Variants in SLIT3 observed in about 807,000 individuals in gnomAD.
SLIT3 encodes slit guidance ligand 3, also known as slit homolog 3 protein.
A neutral mutation model predicts 184.0 loss-of-function variants in SLIT3; 68 were observed. That is an observed-to-expected ratio of 0.37 (90% confidence interval 0.30 to 0.45). SLIT3 has a LOEUF of 0.45. Ranked by LOEUF, SLIT3 falls within the 20% of genes least tolerant of loss-of-function variation. The pLI is 1.00. For missense variants in SLIT3, 1,707 were observed against 2,026.0 expected, an observed-to-expected ratio of 0.84 and a Z score of 3.02; for synonymous variants, 831 against 828.6, an observed-to-expected ratio of 1.00 and a Z score of -0.05.
chr5:168,855,963 C>A (rs2938768), intron 5 of SLIT3, among the ~76,000 whole-genome samples: 1 of 151,750 alleles, frequency 6.6e-6, no homozygotes, highest in Admixed American at 6.6e-5. Context: ...AAAAAAATTA[C>A]CCAAGTGTGG....
chr5:169,090,864 C>T (rs923557866), intron 4 of SLIT3, among the ~76,000 whole-genome samples: 1 of 152,218 alleles, frequency 6.6e-6, no homozygotes, highest in African/African-American at 2.4e-5. Flanking sequence ...ATCTTGATTT[C>T]AGAAGTCTGG....
intron 4 of SLIT3, among the ~76,000 whole-genome samples, chr5:169,001,444 A>C (rs1755699415): frequency 6.6e-6 from 1 of 152,192 alleles, no homozygotes; most frequent in South Asian, 2.1e-4. Flanking sequence ...ACACCAAATA[A>C]TGACAAGAAG....
intron 4 of SLIT3, among the ~76,000 whole-genome samples, chr5:168,885,493 C>A (rs536100742): frequency 1.3e-5 from 2 of 152,310 alleles, no homozygotes; most frequent in Admixed American, 6.5e-5. Flanking sequence ...CAGGTCCTGT[C>A]ATCTGACTAA....
At chr5:169,079,535 G>GAGGAGGAAGAAGGAGGAAGA (rs1311538940) in intron 4 of SLIT3, among the ~76,000 whole-genome samples, 1 of 116,946 alleles carries the variant, frequency 8.6e-6, no homozygotes, top group African/African-American at 3.2e-5. Flanking sequence ...GAGGAAGGAG[G>GAGGAGGAAGAAGGAGGAAGA]AGGAGGAAGA....
chr5:168,886,972 C>A (rs1183517448), intron 4 of SLIT3, among the ~76,000 whole-genome samples: 1 of 152,140 alleles, frequency 6.6e-6, no homozygotes, highest in Non-Finnish European at 1.5e-5. Flanking sequence ...CCCTCCCCAC[C>A]TTTTTAATTT....
At chr5:168,762,796 C>A in intron 14 of SLIT3, 107 bp from the exon 15 acceptor site, 1 of 1,098,846 alleles carries the variant, frequency 9.1e-7, no homozygotes. Context: ...GAGTTGGGGG[C>A]TGTTAGGGGT....
chr5:169,154,335 C>T (rs575271368), intron 4 of SLIT3, among the ~76,000 whole-genome samples: 95 of 152,316 alleles, frequency 6.2e-4, no homozygotes, highest in African/African-American at 2.2e-3. Context: ...GCTTCTATTA[C>T]TTCTAATTGT....
At chr5:169,056,544 G>A (rs1758006359) in intron 4 of SLIT3, among the ~76,000 whole-genome samples, 1 of 151,876 alleles carries the variant, frequency 6.6e-6, no homozygotes, top group Admixed American at 6.6e-5. Flanking sequence ...ATTATTTAGT[G>A]CTTATAATGG....
chr5:168,836,671 C>T lies in SLIT3; in HGVS notation c.557+7913G>A, dbSNP rs575835422. On this transcript the variant is annotated intron_variant, in intron 6 of 35. Transcript: ENST00000519560. ...GAGATCTGGCAGCTGGAATGTGTGG[C>T]CCCTGGGGACAGCAAGACCACCACG... is the stretch of plus-strand genomic sequence containing the variant. 3.3e-4 allele frequency among the ~76,000 whole-genome samples: 50 copies of T among 152,232 alleles called. No homozygotes were observed. The Middle Eastern group carries it at 0.014, about 41-fold the overall frequency.
intron 1 of SLIT3, among the ~76,000 whole-genome samples, chr5:169,273,260 A>T (rs1766690796): frequency 1.3e-5 from 2 of 152,168 alleles, no homozygotes; most frequent in Admixed American, 1.3e-4. Context: ...GGCACCCTTG[A>T]TGCTCTCAAG....
chr5:169,286,781 T>C (rs916523987), intron 1 of SLIT3, among the ~76,000 whole-genome samples: 2 of 152,348 alleles, frequency 1.3e-5, no homozygotes, highest in South Asian at 4.1e-4. Flanking sequence ...CAAGAGGTGC[T>C]ATCAGCCCTG....
intron 4 of SLIT3, among the ~76,000 whole-genome samples, chr5:169,131,514 C>A (rs1761296401): frequency 6.6e-6 from 1 of 152,172 alleles, no homozygotes; most frequent in African/African-American, 2.4e-5. Flanking sequence ...AGCCCTAAGT[C>A]CCTTTTATCT....
chr5:168,976,446 A>G (rs373609014), intron 4 of SLIT3, among the ~76,000 whole-genome samples: 1 of 152,234 alleles, frequency 6.6e-6, no homozygotes, highest in Non-Finnish European at 1.5e-5. Context: ...AACCTCAGAG[A>G]ACATAGCATT....
chr5:168,830,591 T>C (rs2113685439), intron 6 of SLIT3, among the ~76,000 whole-genome samples: 1 of 152,350 alleles, frequency 6.6e-6, no homozygotes, highest in South Asian at 2.1e-4. Context: ...ATAATGCTGA[T>C]ACTATTTATG....
chr5:169,238,489 AT>A (rs1765273796), intron 3 of SLIT3, among the ~76,000 whole-genome samples: 1 of 138,914 alleles, frequency 7.2e-6, no homozygotes. Context: ...TTAACTGCTT[AT>A]TTTTTAAGTG....
chr5:169,281,213 C>T (rs1016012334), intron 1 of SLIT3, among the ~76,000 whole-genome samples: 11 of 152,164 alleles, frequency 7.2e-5, no homozygotes, highest in Admixed American at 1.3e-4. Context: ...GGAGGCTGGG[C>T]GCAGTGGCTC....
At chr5:168,812,316 T>A (rs887675224) in intron 8 of SLIT3, among the ~76,000 whole-genome samples, 2 of 152,192 alleles carry the variant, frequency 1.3e-5, no homozygotes, top group African/African-American at 4.8e-5. Flanking sequence ...GTTAACAATA[T>A]TGTGTTGCAT....
intron 23 of SLIT3, among the ~76,000 whole-genome samples, chr5:168,717,291 AG>A (rs1310624688): frequency 1.4e-5 from 2 of 142,566 alleles, no homozygotes; most frequent in Non-Finnish European, 3.0e-5. Flanking sequence ...CACAAGGCAG[AG>A]GGTGACTAAG....
chr5:168,909,354 T>G (rs1477970837), intron 4 of SLIT3, among the ~76,000 whole-genome samples: 1 of 152,176 alleles, frequency 6.6e-6, no homozygotes, highest in Admixed American at 6.5e-5. Flanking sequence ...TATCTGGATT[T>G]TTGGTTTCCT....
Sources: gnomAD v4.1 joint callset for allele counts (sites outside exome capture counted in the v4.1 genomes callset) on GRCh38, gnomAD v4.1.1 for gene constraint, MANE v1.5 for transcripts, NCBI Gene and HGNC (gene_info 2026-07-23, HGNC 2026-07-21) for gene names.